ATRNL1: variants seen among roughly 807,000 people sequenced by gnomAD.
The protein encoded by ATRNL1 is attractin like 1.
Under a neutral mutation model 182.7 loss-of-function variants are expected in ATRNL1, and 95 were observed. The ratio of observed to expected loss-of-function variants is 0.52; its 90% CI spans 0.44 to 0.62. The LOEUF is 0.62. Among genes scored for constraint, ATRNL1 ranks in the 20% least tolerant of loss-of-function variants. The pLI, the probability that ATRNL1 is intolerant of heterozygous loss-of-function variation, is 0.00. For synonymous variants in ATRNL1, 576 were observed against 568.3 expected (o/e 1.01, Z -0.19); for missense variants, 1,471 against 1,679.5 (o/e 0.88, Z 2.17).
chr10:115,783,347 G>A (rs1949315895), intron 27 of ATRNL1, among the ~76,000 whole-genome samples: 1 of 152,074 alleles, frequency 6.6e-6, no homozygotes, highest in African/African-American at 2.4e-5. Context: ...AGACATATGG[G>A]CCTCTGTCAT....
At chr10:115,468,360 C>G (rs1347325859) in intron 23 of ATRNL1, among the ~76,000 whole-genome samples, 3 of 150,680 alleles carry the variant, frequency 2.0e-5, no homozygotes, top group Non-Finnish European at 3.0e-5. Context: ...CAGACCAAAT[C>G]TCAGAAATTT....
At position 115,330,291 on chromosome 10, in the gene ATRNL1, A is replaced by G. The variant is rs377291778; in HGVS notation, c.3038-3991A>G. Among the ~76,000 whole-genome samples the G allele has an allele frequency of 6.6e-4, 101 of 152,286 alleles. 2 individuals are homozygous for G. In the South Asian group the frequency reaches 0.021, roughly 31 times the overall value. ...TGCTTTGTTTTTTAACCTTCCTAAT[A>G]AGGATATAATTGTTTCTTGACCCAC... On this transcript the variant is annotated intron_variant, in intron 18 of 28. Coordinates refer to ENST00000355044, the MANE Select transcript of ATRNL1 (RefSeq NM_207303.4).
chr10:115,477,855 ATATT>A (rs1554973469), intron 24 of ATRNL1, among the ~76,000 whole-genome samples: 1 of 151,652 alleles, frequency 6.6e-6, no homozygotes, highest in African/African-American at 2.4e-5. Flanking sequence ...ATTCTTAAAA[ATATT>A]TAATTAATCT....
At chr10:115,301,078 C>T (rs1239065247) in intron 16 of ATRNL1, among the ~76,000 whole-genome samples, 1 of 152,038 alleles carries the variant, frequency 6.6e-6, no homozygotes, top group Non-Finnish European at 1.5e-5. Flanking sequence ...AATTTCCTTC[C>T]TTTTTAAGGT....
At chr10:115,202,069 G>C (rs1439181059) in intron 8 of ATRNL1, among the ~76,000 whole-genome samples, 1 of 151,920 alleles carries the variant, frequency 6.6e-6, no homozygotes, top group Admixed American at 6.6e-5. Flanking sequence ...TGTGATTTTT[G>C]TACATTGATT....
intron 27 of ATRNL1, among the ~76,000 whole-genome samples, chr10:115,773,129 G>A (rs1463053433): frequency 1.3e-5 from 2 of 152,228 alleles, no homozygotes; most frequent in Non-Finnish European, 2.9e-5. Context: ...GGGAGCAAGA[G>A]CAGGGAGAAT....
At chr10:115,541,020 G>A (rs2133785992) in intron 25 of ATRNL1, among the ~76,000 whole-genome samples, 1 of 152,230 alleles carries the variant, frequency 6.6e-6, no homozygotes, top group Middle Eastern at 3.4e-3. Context: ...TTAGAATATA[G>A]AATGGATTCT....
intron 8 of ATRNL1, among the ~76,000 whole-genome samples, chr10:115,188,532 T>C (rs1848044572): frequency 6.6e-6 from 1 of 152,134 alleles, no homozygotes; most frequent in Non-Finnish European, 1.5e-5. Context: ...AATGTGAGTC[T>C]CAAGGTGAGT....
chr10:115,827,369 A>C (rs1950460461), intron 27 of ATRNL1, among the ~76,000 whole-genome samples: 1 of 152,222 alleles, frequency 6.6e-6, no homozygotes, highest in East Asian at 1.9e-4. Context: ...TCACAGTTTA[A>C]AATATGCATG....
chr10:115,711,824 C>CTA (rs1352378821), intron 26 of ATRNL1, among the ~76,000 whole-genome samples: 1 of 152,114 alleles, frequency 6.6e-6, no homozygotes, highest in Non-Finnish European at 1.5e-5. Flanking sequence ...AACTCTAATA[C>CTA]TAGAATGTGT....
At chr10:115,549,285 A>G (rs1380301142) in intron 25 of ATRNL1, among the ~76,000 whole-genome samples, 173 bp from the exon 26 acceptor site, 3 of 152,036 alleles carry the variant, frequency 2.0e-5, no homozygotes, top group Non-Finnish European at 4.4e-5. Flanking sequence ...CTACCTGTAC[A>G]TTTTGGTTTT....
intron 19 of ATRNL1, among the ~76,000 whole-genome samples, chr10:115,383,963 A>G (rs1554951911): frequency 6.6e-6 from 1 of 152,026 alleles, no homozygotes; most frequent in Non-Finnish European, 1.5e-5. Flanking sequence ...ACTGAGAAGC[A>G]AGGAAAATAT....
intron 28 of ATRNL1, among the ~76,000 whole-genome samples, chr10:115,939,920 G>T (rs1471986933): frequency 2.0e-5 from 3 of 152,122 alleles, no homozygotes; most frequent in Non-Finnish European, 4.4e-5. Flanking sequence ...CTATTTCTAG[G>T]TTGCTTTTCT....
At chr10:115,862,824 A>G (rs1951345957) in intron 28 of ATRNL1, among the ~76,000 whole-genome samples, 2 of 152,234 alleles carry the variant, frequency 1.3e-5, no homozygotes, top group South Asian at 4.1e-4. Flanking sequence ...GGAAGCAGTA[A>G]AATGAATTTG....
chr10:115,799,463 G>T (rs1388901806), intron 27 of ATRNL1, among the ~76,000 whole-genome samples: 1 of 152,174 alleles, frequency 6.6e-6, no homozygotes, highest in Non-Finnish European at 1.5e-5. Context: ...AAACAGAGAG[G>T]TGGGGGTTAG....
intron 24 of ATRNL1, among the ~76,000 whole-genome samples, chr10:115,497,157 G>A (rs1240624591): frequency 2.6e-5 from 4 of 152,146 alleles, no homozygotes; most frequent in Admixed American, 2.6e-4. Context: ...ATTCTACTGT[G>A]AATACTTGTG....
chr10:115,854,805 A>G (rs1276867415), intron 28 of ATRNL1, among the ~76,000 whole-genome samples: 1 of 152,058 alleles, frequency 6.6e-6, no homozygotes, highest in Non-Finnish European at 1.5e-5. Context: ...AGTTCTATAG[A>G]TTTTATCCCT....
At chr10:115,462,129 A>C in intron 22 of ATRNL1, 94 bp downstream of exon 22, 1 of 767,552 alleles carries the variant, frequency 1.3e-6, no homozygotes, top group Admixed American at 2.8e-5. Flanking sequence ...GAATTATCAC[A>C]TTGTAGGGCC....
rs59256867 is a variant in ATRNL1, at chr10:115,403,257, C to CTTTTTTTTTTTTTTTTTTTT, written c.3269+8524_3269+8525insTTTTTTTTTTTTTTTTTTTT. On this transcript the variant is annotated intron_variant, in intron 20 of 28. Transcript: ENST00000355044. Reference sequence around the variant, plus strand: ...CTTTATTTTTCCTAATTACTCTCATCTTTTTTTTTTTTTTTTTTTAGTCTG... The same window carrying CTTTTTTTTTTTTTTTTTTTT: ...CTTTATTTTTCCTAATTACTCTCATCTTTTTTTTTTTTTTTTTTTTTTTTTTTTTTTTTTTTTTTAGTCTG... Among the ~76,000 whole-genome samples, 74 of 107,412 alleles carry CTTTTTTTTTTTTTTTTTTTT rather than the reference C, an allele frequency of 6.9e-4. 3 individuals carry two copies. Among genetic ancestry groups the CTTTTTTTTTTTTTTTTTTTT allele is most frequent in the African/African-American group, 3.5e-3 (72 of 20,374 alleles). 70.5% of individuals were successfully genotyped at this position (107,412 alleles called of 152,430 possible).
Sources: gnomAD v4.1 joint callset for allele counts (sites outside exome capture counted in the v4.1 genomes callset) on GRCh38, gnomAD v4.1.1 for gene constraint, MANE v1.5 for transcripts, NCBI Gene and HGNC (gene_info 2026-07-23, HGNC 2026-07-21) for gene names.